The following WDPCP variants were observed in gnomAD, a reference collection of about 807,000 sequenced individuals.
WDPCP encodes the protein WD repeat containing planar cell polarity effector, also known as WD repeat-containing and planar cell polarity effector protein fritz homolog.
WDPCP carries 71 observed loss-of-function variants against 93.1 expected under a neutral mutation model. The observed-to-expected ratio is 0.76, with a 90% CI of 0.63 to 0.93. The LOEUF is 0.93. Among genes scored for constraint, WDPCP ranks in the 40% least tolerant of loss-of-function variants. The pLI is 0.00. For synonymous variants in WDPCP, 315 were observed against 315.0 expected (o/e 1.00, Z 0.00); for missense variants, 844 against 887.4 (o/e 0.95, Z 0.62).
At chr2:63,327,073 G>A (rs545989859) in intron 12 of WDPCP, among the ~76,000 whole-genome samples, 35 of 151,806 alleles carry the variant, frequency 2.3e-4, no homozygotes, top group Middle Eastern at 6.8e-3. Context: ...ACCATACAAA[G>A]TTCTGACCAA....
intron 10 of WDPCP, among the ~76,000 whole-genome samples, chr2:63,386,031 T>C (rs1478383106): frequency 3.3e-5 from 5 of 152,048 alleles, no homozygotes; most frequent in African/African-American, 9.7e-5. Flanking sequence ...TATTAAAAAT[T>C]AATCTCAACC....
rs1704499770 is a variant in WDPCP at position 63,538,770 on chromosome 2, A to ACTT, written c.76-45833_76-45831dup. 3.9e-5 allele frequency among the ~76,000 whole-genome samples: 6 copies of ACTT among 152,316 alleles called. No homozygotes were observed. The South Asian group carries it at 1.2e-3, about 32-fold the overall frequency. Reference sequence around the variant, plus strand: ...TGACAAGAACTCAGCAGTTATAAAGACTTATATTTTTCAGAGTAATAAAGT... The same window carrying ACTT: ...TGACAAGAACTCAGCAGTTATAAAGACTTCTTATATTTTTCAGAGTAATAAAGT... On this transcript the variant is annotated intron_variant, in intron 1 of 17. Transcript: ENST00000272321.
chr2:63,666,955 G>A (rs896201097), intron 2 of WDPCP, among the ~76,000 whole-genome samples: 7 of 151,972 alleles, frequency 4.6e-5, no homozygotes, highest in South Asian at 2.1e-4. Flanking sequence ...GATGCTTTTC[G>A]TTAAATATTT....
At chr2:63,767,150 A>T (rs191898294) in intron 2 of WDPCP, among the ~76,000 whole-genome samples, 36 of 152,248 alleles carry the variant, frequency 2.4e-4, no homozygotes, top group Admixed American at 2.0e-3. Flanking sequence ...TTACTTTGAG[A>T]TTCCTCCATG....
chr2:63,149,758 T>C (rs765792814), intron 17 of WDPCP, among the ~76,000 whole-genome samples: 1 of 152,204 alleles, frequency 6.6e-6, no homozygotes, highest in Non-Finnish European at 1.5e-5. Context: ...TTTCCACTTA[T>C]ATAAAGTTCA....
At chr2:63,520,439 G>C (rs1702841301) in intron 1 of WDPCP, among the ~76,000 whole-genome samples, 1 of 152,112 alleles carries the variant, frequency 6.6e-6, no homozygotes, top group African/African-American at 2.4e-5. Context: ...ATAGTCATCA[G>C]ATTCTCCAAG....
rs1700492243 is a variant in WDPCP at position 63,485,101 on chromosome 2, TG to T, written c.254-115del. On this transcript the variant is annotated intron_variant, in intron 4 of 17. Coordinates refer to ENST00000272321, the MANE Select transcript of WDPCP (RefSeq NM_015910.7). ...AAACACCTCTATAATCGAGAGGAAG[TG>T]GGCTTCATTTCCATCATCAAATGAC... 2.1e-5 allele frequency: 23 copies of T among 1,075,068 alleles called. No individual in the cohort carries two copies. The South Asian group carries it at 3.0e-4, about 14-fold the overall frequency. 66.6% of individuals were successfully genotyped at this position (1,075,068 alleles called of 1,614,324 possible). A position where few individuals can be genotyped will look rare whatever the true frequency, so the allele number is the denominator to read the frequency against.
At chr2:63,394,781 A>C (rs1329636397) in intron 10 of WDPCP, among the ~76,000 whole-genome samples, 2 of 152,144 alleles carry the variant, frequency 1.3e-5, no homozygotes, top group Non-Finnish European at 2.9e-5. Flanking sequence ...ATGAAATAAC[A>C]CAGGAATAGA....
chr2:63,551,282 C>T (rs1036370882), intron 1 of WDPCP, among the ~76,000 whole-genome samples: 6 of 152,010 alleles, frequency 3.9e-5, no homozygotes, highest in Admixed American at 1.3e-4. Flanking sequence ...GTTTGGATTG[C>T]GTCCCCTCCA....
At chr2:63,818,486 T>C (rs904367877) in intron 1 of WDPCP, among the ~76,000 whole-genome samples, 1 of 152,172 alleles carries the variant, frequency 6.6e-6, no homozygotes, top group African/African-American at 2.4e-5. Context: ...TAGGGGTCAC[T>C]GGGATAATTT....
chr2:63,424,664 C>T (rs1696129717), intron 9 of WDPCP, among the ~76,000 whole-genome samples: 2 of 152,168 alleles, frequency 1.3e-5, no homozygotes, highest in African/African-American at 2.4e-5. Context: ...AGATCTGTGG[C>T]CAGCATGTAA....
At chr2:63,242,622 T>C (rs1679945224) in intron 14 of WDPCP, among the ~76,000 whole-genome samples, 1 of 152,228 alleles carries the variant, frequency 6.6e-6, no homozygotes, top group Non-Finnish European at 1.5e-5. Context: ...ACATTGTCTC[T>C]AAAAAATAAA....
At chr2:63,313,576 T>C (rs1405905769) in intron 12 of WDPCP, among the ~76,000 whole-genome samples, 1 of 152,078 alleles carries the variant, frequency 6.6e-6, no homozygotes, top group African/African-American at 2.4e-5. Flanking sequence ...CTGACTATGA[T>C]AGCTTAGAAA....
At position 63,334,711 on chromosome 2, in the gene WDPCP, T is replaced by C. The variant is rs572990205; in HGVS notation, c.1749-21400A>G. 9.9e-5 allele frequency among the ~76,000 whole-genome samples: 15 copies of C among 152,220 alleles called. No individual in the cohort carries two copies. In the East Asian group the frequency reaches 2.9e-3, roughly 30 times the overall value. ...TTCACAATCTCCTTGGTTATAGTTATTGCTAGTGTGAAATGAAAGTAAATC... is the reference window on the plus strand; with the variant it reads ...TTCACAATCTCCTTGGTTATAGTTACTGCTAGTGTGAAATGAAAGTAAATC... On this transcript the variant is annotated intron_variant, in intron 12 of 17. Coordinates refer to ENST00000272321, the MANE Select transcript of WDPCP (RefSeq NM_015910.7).
rs185786323 is a variant in WDPCP at position 63,256,119 on chromosome 2, A to G, written c.1915+3188T>C. Among the ~76,000 whole-genome samples the G allele has an allele frequency of 7.2e-5, 11 of 152,290 alleles. No individual in the cohort carries two copies. The East Asian group carries it at 1.9e-3, about 27-fold the overall frequency. On this transcript the variant is annotated intron_variant, in intron 14 of 17. Coordinates refer to ENST00000272321, the MANE Select transcript of WDPCP (RefSeq NM_015910.7). ...AAATTCAGCCCAAATGTATCTATGA[A>G]TTAAATGAGATTCTAACCAGAATTT...
At chr2:63,488,878 A>C (rs1410373576) in intron 2 of WDPCP, among the ~76,000 whole-genome samples, 1 of 151,882 alleles carries the variant, frequency 6.6e-6, no homozygotes, top group Middle Eastern at 3.2e-3. Flanking sequence ...TCTGGCCCAG[A>C]GTGGAAACTG....
At chr2:63,730,751 G>C (rs1669550284) in intron 2 of WDPCP, among the ~76,000 whole-genome samples, 1 of 152,098 alleles carries the variant, frequency 6.6e-6, no homozygotes. Context: ...AGAAAAAATG[G>C]GCACTTAGAG....
chr2:63,338,558 AAAAAAAAAAAAATATATATATAT>A (rs1251032621), intron 12 of WDPCP, among the ~76,000 whole-genome samples: 1 of 21,122 alleles, frequency 4.7e-5, no homozygotes, highest in East Asian at 1.6e-3. Flanking sequence ...ATCTAAAAAA[AAAAAAAAAAAAATATATATATAT>A]ATATATATAT....
intron 1 of WDPCP, among the ~76,000 whole-genome samples, chr2:63,509,071 G>A (rs1392300214): frequency 6.6e-6 from 1 of 151,984 alleles, no homozygotes; most frequent in Non-Finnish European, 1.5e-5. Context: ...CTCACCTCTG[G>A]ACCAAGCGGA....
Sources: allele counts gnomAD v4.1 joint callset (sites outside exome capture counted in the v4.1 genomes callset), GRCh38; gene constraint gnomAD v4.1.1; transcripts MANE v1.5; gene names NCBI Gene and HGNC (gene_info 2026-07-23, HGNC 2026-07-21).